Variants in MAPK10 observed in about 807,000 individuals in gnomAD.
MAPK10 encodes the protein mitogen-activated protein kinase 10, also known as JNK3 alpha protein kinase.
A neutral mutation model predicts 59.3 loss-of-function variants in MAPK10; 25 were observed. The observed-to-expected ratio is 0.42, with a 90% CI of 0.31 to 0.59. The LOEUF is 0.59. MAPK10 is among the 20% of genes least tolerant of loss of function. The pLI, the probability that MAPK10 is intolerant of heterozygous loss-of-function variation, is 0.15. For missense variants in MAPK10, 351 were observed against 568.9 expected (o/e 0.62, Z 3.90); for synonymous variants, 190 against 200.5 (o/e 0.95, Z 0.44).
At chr4:86,171,661 G>A (rs1341588675) in intron 3 of MAPK10, among the ~76,000 whole-genome samples, 4 of 152,110 alleles carry the variant, frequency 2.6e-5, no homozygotes, top group Admixed American at 2.6e-4. Context: ...CAGGACATAG[G>A]CATGGACAAG....
At chr4:86,156,580 T>G (rs1236660109) in intron 4 of MAPK10, among the ~76,000 whole-genome samples, 1 of 152,028 alleles carries the variant, frequency 6.6e-6, no homozygotes, top group Non-Finnish European at 1.5e-5. Context: ...CTGCTAAACT[T>G]AGTTGTTAAC....
chr4:86,302,371 C>T (rs2095487801), intron 2 of MAPK10, among the ~76,000 whole-genome samples: 1 of 152,206 alleles, frequency 6.6e-6, no homozygotes, highest in South Asian at 2.1e-4. Flanking sequence ...GTAGACTAGT[C>T]ATTAGTATTC....
intron 1 of MAPK10, among the ~76,000 whole-genome samples, chr4:86,409,048 G>A (rs1053705216): frequency 3.9e-5 from 6 of 152,152 alleles, no homozygotes; most frequent in Non-Finnish European, 8.8e-5. Flanking sequence ...TTACATTTAA[G>A]TCTTTAATCC....
At chr4:86,248,184 C>T (rs115143193) in intron 2 of MAPK10, among the ~76,000 whole-genome samples, 2 of 152,314 alleles carry the variant, frequency 1.3e-5, no homozygotes, top group Non-Finnish European at 2.9e-5. Flanking sequence ...TACTTTTTGA[C>T]AGCCATATAA....
chr4:86,276,444 G>GAACCTAA (rs56345951), intron 2 of MAPK10, among the ~76,000 whole-genome samples: 48,185 of 151,520 alleles, frequency 0.32, 10,168 homozygotes, highest in African/African-American at 0.6. Flanking sequence ...GTAACAAAGA[G>GAACCTAA]AACCCAATGT....
chr4:86,047,016 T>G (rs529162865), intron 11 of MAPK10, among the ~76,000 whole-genome samples: 1 of 152,234 alleles, frequency 6.6e-6, no homozygotes, highest in Admixed American at 6.6e-5. Context: ...CAGAGTACTA[T>G]TCTATTTTTT....
At chr4:86,544,909 G>C (rs1759026330) in intron 1 of MAPK10, among the ~76,000 whole-genome samples, 6 of 151,298 alleles carry the variant, frequency 4.0e-5, no homozygotes, top group Admixed American at 3.9e-4. Context: ...ATTTCAACAG[G>C]AAACAAAATC....
chr4:86,124,672 G>A (rs754687831), intron 4 of MAPK10: 1 of 152,010 alleles, frequency 6.6e-6, no homozygotes, highest in African/African-American at 2.4e-5. Flanking sequence ...CATTCTCAAA[G>A]ACAGGATAAG....
chr4:86,566,526 C>G (rs1761069208), intron 1 of MAPK10, among the ~76,000 whole-genome samples: 1 of 151,206 alleles, frequency 6.6e-6, no homozygotes, highest in African/African-American at 2.4e-5. Flanking sequence ...CCAGCCTGGC[C>G]AACATGGTGA....
At chr4:86,273,669 G>T (rs547237685) in intron 2 of MAPK10, among the ~76,000 whole-genome samples, 30 of 152,016 alleles carry the variant, frequency 2.0e-4, no homozygotes, top group African/African-American at 6.7e-4. Context: ...CACAATTTTT[G>T]ATTTGTCTAC....
At chr4:86,044,391 A>G (rs530735067) in intron 11 of MAPK10, 35 of 195,084 alleles carry the variant, frequency 1.8e-4, no homozygotes, top group Non-Finnish European at 3.2e-4. Flanking sequence ...GTGTCAGGAT[A>G]TTTTTAAACT....
At chr4:86,302,467 G>A (rs1461549457) in intron 2 of MAPK10, among the ~76,000 whole-genome samples, 1 of 152,132 alleles carries the variant, frequency 6.6e-6, no homozygotes, top group African/African-American at 2.4e-5. Flanking sequence ...GAAGTCAACT[G>A]GCGAAGCGAC....
intron 2 of MAPK10, among the ~76,000 whole-genome samples, chr4:86,350,247 C>T (rs1228182578): frequency 6.6e-6 from 1 of 151,376 alleles, no homozygotes; most frequent in African/African-American, 2.4e-5. Flanking sequence ...CGGAGTCTCA[C>T]TCTGTCGCCC....
At chr4:86,250,473 G>A (rs1184541869) in intron 2 of MAPK10, among the ~76,000 whole-genome samples, 3 of 152,066 alleles carry the variant, frequency 2.0e-5, no homozygotes, top group Non-Finnish European at 4.4e-5. Flanking sequence ...GCTGAACTAT[G>A]CTTTTGCTGT....
chr4:86,069,810 G>A (rs557873735), intron 9 of MAPK10, among the ~76,000 whole-genome samples: 1 of 152,072 alleles, frequency 6.6e-6, no homozygotes, highest in South Asian at 2.1e-4. Context: ...ATTTAACAAA[G>A]TTGGCAAAAT....
intron 4 of MAPK10, among the ~76,000 whole-genome samples, chr4:86,121,778 A>G (rs2059296129): frequency 6.6e-6 from 1 of 152,038 alleles, no homozygotes; most frequent in African/African-American, 2.4e-5. Context: ...ATTCTTATGA[A>G]CTCTAGTCAT....
chr4:86,547,551 G>A (rs909777817), intron 1 of MAPK10, among the ~76,000 whole-genome samples: 4 of 152,176 alleles, frequency 2.6e-5, no homozygotes, highest in African/African-American at 4.8e-5. Flanking sequence ...CGCTCCCTGG[G>A]CTCCTGTGCC....
chr4:86,043,244 A>T (rs1170310240), intron 11 of MAPK10, among the ~76,000 whole-genome samples: 1 of 152,188 alleles, frequency 6.6e-6, no homozygotes, highest in South Asian at 2.1e-4. Context: ...GAGATGCACA[A>T]TTCTAAGGGA....
intron 2 of MAPK10, among the ~76,000 whole-genome samples, chr4:86,336,959 T>A (rs1033911759): frequency 6.6e-6 from 1 of 151,798 alleles, no homozygotes; most frequent in Non-Finnish European, 1.5e-5. Flanking sequence ...CCTGCTAATT[T>A]TTTGTATTTT....
Sources: allele counts gnomAD v4.1 joint callset (sites outside exome capture counted in the v4.1 genomes callset), GRCh38; gene constraint gnomAD v4.1.1; transcripts MANE v1.5; gene names NCBI Gene and HGNC (gene_info 2026-07-23, HGNC 2026-07-21).